The following HPS4 variants were observed in gnomAD, a reference collection of about 807,000 sequenced individuals.
HPS4 encodes the protein BLOC-3 complex member HPS4.
In HPS4, 44 loss-of-function variants were observed where a neutral mutation model predicts 70.3. The observed-to-expected ratio is 0.63, with a 90% CI of 0.49 to 0.80. The LOEUF is 0.80. HPS4 is among the 30% of genes least tolerant of loss of function. HPS4 has a pLI of 0.00. For missense variants in HPS4, 873 were observed against 884.4 expected, an observed-to-expected ratio of 0.99 and a Z score of 0.16; for synonymous variants, 377 against 355.9, an observed-to-expected ratio of 1.06 and a Z score of -0.67.
At chr22:26,466,515 C>T in intron 8 of HPS4, 1 of 593,936 alleles carries the variant, frequency 1.7e-6, no homozygotes. Flanking sequence ...ACTCACATCA[C>T]ACTCTACGTT....
rs142147636 is a variant in HPS4, at chr22:26,466,472, CCA to C, written c.670-212_670-211del. The C allele has an allele frequency of 4.5e-3, 2,941 of 650,634 alleles. 13 individuals are homozygous for C. Among genetic ancestry groups the C allele is most frequent in the Non-Finnish European group, 6.3e-3 (2,293 of 362,036 alleles). 40.3% of individuals were successfully genotyped at this position (650,634 alleles called of 1,614,324 possible). A position where few individuals can be genotyped will look rare whatever the true frequency, so the allele number is the denominator to read the frequency against. ...GCTGGGATGAAGCAAGAACCTGGGC[CCA>C]CACAGGCTGCAAGGCAGCAGCTCCA... On this transcript the variant is annotated intron_variant, in intron 8 of 13. Coordinates refer to ENST00000398145, the MANE Select transcript of HPS4 (RefSeq NM_022081.6).
In HPS4 at chr22:26,472,403, C is replaced by T; in HGVS notation, c.400G>A (p.Glu134Lys). 1 of 1,607,316 alleles carries T rather than the reference C, an allele frequency of 6.2e-7. No homozygotes were observed. Among genetic ancestry groups the T allele is most frequent in the Non-Finnish European group, 8.5e-7 (1 of 1,173,760 alleles). The change falls in exon 6 of 14, where the codon GAA (glutamate) becomes AAA (lysine). Residue 134 changes from glutamate to lysine, a missense_variant. By Grantham distance (56) the Glu-to-Lys change is moderately conservative. Coordinates refer to ENST00000398145, the MANE Select transcript of HPS4 (RefSeq NM_022081.6). ...AAGGTGTCCCACTCCGTGCTCAGTT[C>T]TTCCTGAGAACAGTTCTAAAACAGA... is the stretch of plus-strand genomic sequence containing the variant. ...SLAYENCSQE[E>K]LSTEWDTFIE...
intron 4 of HPS4, chr22:26,476,573 C>A: frequency 5.0e-6 from 1 of 198,736 alleles, no homozygotes; most frequent in Admixed American, 5.4e-5. Flanking sequence ...ATATCGAACT[C>A]CTGGACTCAA....
chr22:26,460,526 A>G (rs1189113823), intron 11 of HPS4, among the ~76,000 whole-genome samples: 2 of 152,236 alleles, frequency 1.3e-5, no homozygotes, highest in Admixed American at 6.5e-5. Context: ...GGAAGAAACA[A>G]TAAGAACAGA....
At chr22:26,475,906 G>A (rs2090481728) in intron 4 of HPS4, 1 of 152,122 alleles carries the variant, frequency 6.6e-6, no homozygotes, top group Admixed American at 6.5e-5. Flanking sequence ...AGCCGGGCAT[G>A]GTGGTGCATG....
chr22:26,458,620 A>G, intron 11 of HPS4, 43 bp from the exon 12 acceptor site: 1 of 1,611,838 alleles, frequency 6.2e-7, no homozygotes, highest in Non-Finnish European at 8.5e-7. Flanking sequence ...GGCTGACCTC[A>G]GCAAGCCTTC....
At chr22:26,445,952 G>A (rs557978042), downstream of HPS4, among the ~76,000 whole-genome samples, 7 of 152,252 alleles carry the variant, frequency 4.6e-5, no homozygotes, top group Non-Finnish European at 8.8e-5. Context: ...CCGGGCTGCC[G>A]CATGTTTCCA....
Position 26,479,312 on chromosome 22 carries a change from C to G in HPS4, c.85G>C (p.Glu29Gln). 1 of 1,614,176 alleles carries G rather than the reference C, an allele frequency of 6.2e-7. No homozygotes were observed. Among genetic ancestry groups the G allele is most frequent in the African/African-American group, 1.3e-5 (1 of 75,046 alleles). Residue 29 changes from glutamate to glutamine, a missense_variant, in exon 3 of 14, where the codon GAA (glutamate) becomes CAA (glutamine). Physicochemically the swap from Glu to Gln is conservative, Grantham distance 29. Transcript: ENST00000398145. Reference sequence around the variant, plus strand: ...ATGCCAGCTCTTGTTGGATCGCCTTCTTCCTTTACCTTGGAACCATCATAA... The same window carrying G: ...ATGCCAGCTCTTGTTGGATCGCCTTGTTCCTTTACCTTGGAACCATCATAA... ...FLYDGSKVKE[E>Q]GDPTRAGICY...
intron 1 of HPS4, 52 bp downstream of exon 1, chr22:26,483,622 A>T: frequency 3.2e-6 from 1 of 312,888 alleles, no homozygotes. Context: ...TCACGCTCTA[A>T]GCTGGGGGCC....
intron 8 of HPS4, chr22:26,467,874 AG>A (rs1160181436): frequency 6.6e-6 from 1 of 152,204 alleles, no homozygotes; most frequent in Non-Finnish European, 1.5e-5. Context: ...GAAGTATTTT[AG>A]AAGAGTTTGT....
rs147680141 is a variant in HPS4, at chr22:26,477,079, C to T, written c.190G>A (p.Val64Ile). The change falls in exon 4 of 14, where the codon GTT (valine) becomes ATT (isoleucine). Residue 64 changes from valine to isoleucine, a missense_variant. Transcript: ENST00000398145. ...CGQIAGVVRC[V>I]SDISDSPPTL... is the part of the protein sequence containing the mutation. ...GGAGGAGAGTCAGAAATGTCAGAAA[C>T]ACAGCGGACAACTCCAGCAATCTGT... The T allele has an allele frequency of 2.6e-4, 420 of 1,614,152 alleles. 1 individual carries two copies. In the African/African-American group the frequency reaches 5.1e-3, roughly 20 times the overall value.
rs763291399 is a variant in HPS4 at position 26,481,680 on chromosome 22, C to A, written c.41+42G>T. The A allele has an allele frequency of 6.3e-6, 10 of 1,596,344 alleles. No individual in the cohort carries two copies. The Admixed American group carries it at 1.5e-4, about 24-fold the overall frequency. ...CAATTAACCCCAAAACTCTAACCAACAGCCCAGCAAAAGCTATGCCATGGC... is the reference window on the plus strand; with the variant it reads ...CAATTAACCCCAAAACTCTAACCAAAAGCCCAGCAAAAGCTATGCCATGGC... On this transcript the variant is annotated intron_variant, in intron 2 of 13. Transcript: ENST00000398145.
intron 8 of HPS4, 163 bp from the exon 9 acceptor site, chr22:26,466,425 C>G (rs1001576117): frequency 6.4e-6 from 5 of 783,214 alleles, no homozygotes; most frequent in African/African-American, 3.4e-5. Flanking sequence ...GAAGCTCCCC[C>G]AAGCTGCTGG....
chr22:26,483,116 G>C (rs1275006900), intron 1 of HPS4, among the ~76,000 whole-genome samples: 1 of 152,182 alleles, frequency 6.6e-6, no homozygotes, highest in Non-Finnish European at 1.5e-5. Context: ...CTCAGCTCTA[G>C]ATATTTTGGA....
At chr22:26,470,986 C>A in intron 6 of HPS4, 173 bp from the exon 7 acceptor site, 1 of 1,393,974 alleles carries the variant, frequency 7.2e-7, no homozygotes, top group South Asian at 1.3e-5. Flanking sequence ...TTCTACCTCT[C>A]TATACTCAGA....
intron 11 of HPS4, among the ~76,000 whole-genome samples, chr22:26,463,663 GGAA>G (rs2087789283): frequency 6.6e-6 from 1 of 152,204 alleles, no homozygotes; most frequent in Non-Finnish European, 1.5e-5. Flanking sequence ...TAGAAACAGC[GGAA>G]GAAGAGAACC....
At position 26,464,543 on chromosome 22, in the gene HPS4, G is replaced by C. The variant is rs1309284921; in HGVS notation, c.1087C>G (p.Leu363Val). ...SSSLGKELVFLQEELDLSEIH... is the reference protein window; with the variant it reads ...SSSLGKELVFVQEELDLSEIH... ...TCAGACAAGTCGAGTTCTTCTTGGA[G>C]AAAGACTAGTTCCTTCCCCAGGGAG... The change falls in exon 11 of 14, where the codon CTC (leucine) becomes GTC (valine). Residue 363 changes from leucine to valine, a missense_variant. By Grantham distance (32) the Leu-to-Val change is conservative. Transcript: ENST00000398145. 5 of 1,614,094 alleles carry C rather than the reference G, an allele frequency of 3.1e-6. No homozygotes were observed. In the Admixed American group the frequency reaches 8.3e-5, roughly 27 times the overall value.
intron 8 of HPS4, chr22:26,466,523 G>A (rs1224642354): frequency 3.5e-6 from 2 of 579,564 alleles, no homozygotes; most frequent in East Asian, 2.9e-5. Flanking sequence ...CACACTCTAC[G>A]TTCTGATTTT....
chr22:26,466,643 G>C (rs1356876825), intron 8 of HPS4: 1 of 325,036 alleles, frequency 3.1e-6, no homozygotes, highest in African/African-American at 2.1e-5. Flanking sequence ...CCCTGATGTA[G>C]AATTCACATA....
Sources: gnomAD v4.1 joint callset for allele counts (sites outside exome capture counted in the v4.1 genomes callset) on GRCh38, gnomAD v4.1.1 for gene constraint, MANE v1.5 for transcripts, NCBI Gene and HGNC (gene_info 2026-07-23, HGNC 2026-07-21) for gene names.